SYN2: variants seen among roughly 807,000 people sequenced by gnomAD.
SYN2 encodes synapsin-2.
In SYN2, 19 loss-of-function variants were observed where a neutral mutation model predicts 50.9. That is an observed-to-expected ratio of 0.37 (90% CI 0.26 to 0.55). The LOEUF is 0.55. Among genes scored for constraint, SYN2 ranks in the 20% least tolerant of loss-of-function variants. SYN2 has a pLI of 0.81. For synonymous variants in SYN2, 255 were observed against 224.9 expected, an observed-to-expected ratio of 1.13 and a Z score of -1.20; for missense variants, 587 against 576.4, an observed-to-expected ratio of 1.02 and a Z score of -0.19.
chr3:12,058,899 A>AGG (rs1695054516), intron 1 of SYN2, among the ~76,000 whole-genome samples: 2 of 152,152 alleles, frequency 1.3e-5, no homozygotes, highest in Non-Finnish European at 1.5e-5. Flanking sequence ...CCCAACTTCT[A>AGG]GGGATAGCAC....
chr3:12,078,298 C>T (rs1695514681), intron 1 of SYN2, among the ~76,000 whole-genome samples: 1 of 152,168 alleles, frequency 6.6e-6, no homozygotes, highest in Non-Finnish European at 1.5e-5. Flanking sequence ...TTTTGCTGTG[C>T]AGAAGCTCTT....
At chr3:12,150,164 A>G (rs1697245776) in intron 4 of SYN2, among the ~76,000 whole-genome samples, 3 of 152,220 alleles carry the variant, frequency 2.0e-5, no homozygotes, top group Admixed American at 6.5e-5. Flanking sequence ...TCTGATAAAT[A>G]GATTTCATCT....
intron 1 of SYN2, among the ~76,000 whole-genome samples, chr3:12,117,457 A>C (rs953007661): frequency 5.3e-5 from 8 of 152,204 alleles, no homozygotes; most frequent in African/African-American, 1.9e-4. Context: ...ATCCTATCTT[A>C]TTTAAATCTG....
At chr3:12,091,209 T>C (rs974185534) in intron 1 of SYN2, among the ~76,000 whole-genome samples, 13 of 152,296 alleles carry the variant, frequency 8.5e-5, no homozygotes, top group East Asian at 3.9e-4. Context: ...AGAACAATCA[T>C]TGTGTAAAAT....
chr3:12,070,978 A>G (rs1416472572), intron 1 of SYN2: 9 of 548,336 alleles, frequency 1.6e-5, no homozygotes, highest in Non-Finnish European at 2.9e-5. Context: ...CAGCCTGGTC[A>G]TCACCATTGG....
At chr3:12,034,925 C>T (rs1382274290) in intron 1 of SYN2, among the ~76,000 whole-genome samples, 1 of 152,124 alleles carries the variant, frequency 6.6e-6, no homozygotes, top group Non-Finnish European at 1.5e-5. Flanking sequence ...CTCAAAAGTC[C>T]AAAGCCCAAA....
chr3:12,077,934 C>T (rs546371978), intron 1 of SYN2, among the ~76,000 whole-genome samples: 1 of 152,302 alleles, frequency 6.6e-6, no homozygotes, highest in South Asian at 2.1e-4. Context: ...TACATTCTCA[C>T]CAACAGTGTA....
At chr3:12,131,183 G>T (rs1463155876) in intron 1 of SYN2, among the ~76,000 whole-genome samples, 1 of 152,166 alleles carries the variant, frequency 6.6e-6, no homozygotes. Flanking sequence ...GGCATCCTGA[G>T]GAAGAGGTGC....
At chr3:12,050,093 G>GT (rs1306254347) in intron 1 of SYN2, among the ~76,000 whole-genome samples, 2 of 151,846 alleles carry the variant, frequency 1.3e-5, no homozygotes, top group Non-Finnish European at 2.9e-5. Flanking sequence ...TAAAGACAGG[G>GT]TTTCACTATG....
chr3:12,077,697 C>CATTTTCTTT (rs1458345601), intron 1 of SYN2, among the ~76,000 whole-genome samples: 1 of 152,194 alleles, frequency 6.6e-6, no homozygotes, highest in African/African-American at 2.4e-5. Context: ...ATACGTACCA[C>CATTTTCTTT]ATTTTCTTTA....
At chr3:12,141,745 C>T (rs1478834073) in intron 2 of SYN2, among the ~76,000 whole-genome samples, 160 bp from the exon 3 acceptor site, 1 of 152,214 alleles carries the variant, frequency 6.6e-6, no homozygotes, top group Non-Finnish European at 1.5e-5. Context: ...CTCTGTCCCA[C>T]CTTCATCACA....
intron 1 of SYN2, among the ~76,000 whole-genome samples, chr3:12,050,190 C>T (rs2030150): frequency 0.045 from 6,849 of 151,342 alleles, 201 homozygotes; most frequent in Non-Finnish European, 0.066. Context: ...CATGAGCCAC[C>T]GAACCCAGCC....
chr3:12,104,756 G>A lies in SYN2; in HGVS notation c.378-35895G>A, dbSNP rs1185657132. Among the ~76,000 whole-genome samples the A allele has an allele frequency of 2.0e-5, 3 of 151,666 alleles. No homozygotes were observed. In the South Asian group the frequency reaches 6.2e-4, roughly 32 times the overall value. ...CTGGTGAATTATTTTTGTATTTTTA[G>A]TAGAGATGGAGTTTCACCATGTTGG... is the stretch of plus-strand genomic sequence containing the variant. On this transcript the variant is annotated intron_variant, in intron 1 of 12. Coordinates refer to ENST00000621198, the MANE Select transcript of SYN2 (RefSeq NM_133625.6).
intron 1 of SYN2, among the ~76,000 whole-genome samples, chr3:12,069,539 G>A (rs757581621): frequency 3.9e-5 from 6 of 152,004 alleles, no homozygotes; most frequent in Non-Finnish European, 7.4e-5. Flanking sequence ...GAGCCACTGC[G>A]CCCGGCCGTG....
intron 8 of SYN2, 122 bp downstream of exon 8, chr3:12,167,430 C>T (rs1426000705): frequency 1.0e-6 from 1 of 956,972 alleles, no homozygotes; most frequent in African/African-American, 1.6e-5. Flanking sequence ...AGATAAAACA[C>T]AAAAGGCCCA....
intron 1 of SYN2, among the ~76,000 whole-genome samples, chr3:12,019,447 A>G (rs1694086324): frequency 6.6e-6 from 1 of 152,236 alleles, no homozygotes; most frequent in Non-Finnish European, 1.5e-5. Context: ...TAAGTCATGA[A>G]TAGTGGAATT....
chr3:12,146,715 G>T (rs1016863110), intron 4 of SYN2, among the ~76,000 whole-genome samples: 2 of 152,152 alleles, frequency 1.3e-5, no homozygotes, highest in African/African-American at 2.4e-5. Flanking sequence ...TAGGAGGGCA[G>T]TGGAAACTTT....
At position 12,190,808 on chromosome 3, in the gene SYN2, G is replaced by T; in HGVS notation, c.*183G>T. ...GGACCATTTGACAGTCTCAGGGCAGGTGCCTACCCAGCAAGGGGTACCTGG... is the reference window on the plus strand; with the variant it reads ...GGACCATTTGACAGTCTCAGGGCAGTTGCCTACCCAGCAAGGGGTACCTGG... On this transcript the variant is annotated 3_prime_UTR_variant, in exon 13 of 13. Transcript: ENST00000621198. 2 of 1,362,062 alleles carry T rather than the reference G, an allele frequency of 1.5e-6. No homozygotes were observed. The highest frequency in any genetic ancestry group is 1.9e-6 in the Non-Finnish European group (2 of 1,064,676). The allele number at this position is 1,362,062 out of a possible 1,614,324, so 84.4% of individuals were successfully genotyped here.
chr3:12,152,643 A>G (rs1697333736), intron 5 of SYN2, among the ~76,000 whole-genome samples: 1 of 152,224 alleles, frequency 6.6e-6, no homozygotes, highest in African/African-American at 2.4e-5. Flanking sequence ...TTTGCCCTCA[A>G]GAGAGGACCA....
Sources: allele counts gnomAD v4.1 joint callset (sites outside exome capture counted in the v4.1 genomes callset), GRCh38; gene constraint gnomAD v4.1.1; transcripts MANE v1.5; gene names NCBI Gene and HGNC (gene_info 2026-07-23, HGNC 2026-07-21).